The following BTBD2 variants were observed in gnomAD, a reference collection of about 807,000 sequenced individuals.
BTBD2 encodes BTB/POZ domain-containing protein 2.
A neutral mutation model predicts 44.0 loss-of-function variants in BTBD2; 15 were observed. That is an observed-to-expected ratio of 0.34 (90% CI 0.23 to 0.53). The LOEUF (loss-of-function observed/expected upper bound fraction) is 0.53. Ranked by LOEUF, BTBD2 falls within the 20% of genes least tolerant of loss-of-function variation. The probability of loss-of-function intolerance (pLI) is 0.95; values close to 1 mark genes in which losing one functional copy is unlikely to be tolerated. For missense variants in BTBD2, 657 were observed against 746.4 expected (o/e 0.88, Z 1.39); for synonymous variants, 443 against 335.9 (o/e 1.32, Z -3.49).
At chr19:1,987,277 C>T (rs762385394) in intron 6 of BTBD2, 24 bp from the exon 7 acceptor site, 90 of 1,612,042 alleles carry the variant, frequency 5.6e-5, no homozygotes, top group Admixed American at 1.7e-4. Context: ...TGACAGGCAG[C>T]AGCGTGGATA....
rs1036879109 is a variant in BTBD2 at position 1,990,641 on chromosome 19, G to A, written c.790+76C>T. On this transcript the variant is annotated intron_variant, in intron 4 of 8. Coordinates refer to ENST00000255608, the MANE Select transcript of BTBD2 (RefSeq NM_017797.4). ...CCTGTGCAACTCCCCCAGGCCCAAA[G>A]CTCCCACTGTCAATCCCCGGACCCT... 9 of 1,361,406 alleles carry A rather than the reference G, an allele frequency of 6.6e-6. No individual in the cohort carries two copies. The African/African-American group carries it at 8.7e-5, about 13-fold the overall frequency. The allele number at this position is 1,361,406 out of a possible 1,614,324, so 84.3% of individuals were successfully genotyped here. A position where few individuals can be genotyped will look rare whatever the true frequency, so the allele number is the denominator to read the frequency against.
rs1472004709 is a variant in BTBD2, at chr19:1,990,746, G to A, written c.761C>T (p.Thr254Ile). 3 of 1,603,768 alleles carry A rather than the reference G, an allele frequency of 1.9e-6. No individual in the cohort carries two copies. Among genetic ancestry groups the A allele is most frequent in the Non-Finnish European group, 1.7e-6 (2 of 1,175,526 alleles). The change falls in exon 4 of 9, where the codon ACC becomes ATC. Residue 254 changes from threonine to isoleucine, a missense_variant. Transcript: ENST00000255608. ...NIDKNTADAI[T>I]AEGFTDIDLD... Reference sequence around the variant, plus strand: ...GTCAATGTCGGTGAAGCCCTCCGCGGTGATGGCGTCTGCAGTGTTTTTGTC... The same window carrying A: ...GTCAATGTCGGTGAAGCCCTCCGCGATGATGGCGTCTGCAGTGTTTTTGTC...
intron 2 of BTBD2, among the ~76,000 whole-genome samples, chr19:1,995,640 AT>A (rs201871379): frequency 0.21 from 26,159 of 126,066 alleles, 2,512 homozygotes; most frequent in East Asian, 0.31. Flanking sequence ...ACTTTGATCT[AT>A]TTTTTTTTTT....
chr19:1,993,272 C>A (rs950652209), intron 2 of BTBD2, 96 bp from the exon 3 acceptor site: 1 of 1,444,136 alleles, frequency 6.9e-7, no homozygotes, highest in Non-Finnish European at 9.1e-7. Context: ...GACTCGGCCA[C>A]CGGCCCTTGA....
At chr19:2,006,506 CAAAAAAA>C (rs549277311) in intron 1 of BTBD2, among the ~76,000 whole-genome samples, 1 of 111,384 alleles carries the variant, frequency 9.0e-6, no homozygotes. Flanking sequence ...GACTCCGTCT[CAAAAAAA>C]AAAAAAAAGA....
chr19:2,014,339 G>C (rs1031544864), intron 1 of BTBD2: 1 of 152,288 alleles, frequency 6.6e-6, no homozygotes, highest in Non-Finnish European at 1.5e-5. Context: ...AGTGGGTTGG[G>C]GTCCTGGGAA....
At chr19:1,990,993 G>C in intron 3 of BTBD2, 171 bp from the exon 4 acceptor site, 1 of 604,656 alleles carries the variant, frequency 1.7e-6, no homozygotes. Context: ...TGGGCCCAGA[G>C]ACTCCCCTGT....
chr19:2,002,845 C>G (rs1178169208), intron 1 of BTBD2: 1 of 147,440 alleles, frequency 6.8e-6, no homozygotes, highest in Non-Finnish European at 1.5e-5. Flanking sequence ...CCACGGCACT[C>G]CAGCCTGGGC....
chr19:1,989,654 G>A (rs1340232935), intron 5 of BTBD2: 2 of 331,308 alleles, frequency 6.0e-6, no homozygotes. Context: ...AGCCACCCCG[G>A]CCATGTCAGA....
chr19:1,991,571 G>C (rs2016179305), intron 3 of BTBD2, among the ~76,000 whole-genome samples: 1 of 152,224 alleles, frequency 6.6e-6, no homozygotes, highest in African/African-American at 2.4e-5. Context: ...ACCCGGACAA[G>C]AAACCCCTCC....
rs751694633 is a variant in BTBD2 at position 1,990,185 on chromosome 19, G to T, written c.807C>A (p.Val269=). Reference sequence around the variant, plus strand: ...GGATGCCCAGTGTGTCGCGCTCCAGGACAGCCACCAGCGTGTCTGTGGGGT... The same window carrying T: ...GGATGCCCAGTGTGTCGCGCTCCAGTACAGCCACCAGCGTGTCTGTGGGGT... The part of the protein sequence containing the change: ...TDIDLDTLVA[V]LERDTLGIRE... Residue 269 remains valine (V), a synonymous_variant, in exon 5 of 9, where the codon GTC becomes GTA. Transcript: ENST00000255608. 1.2e-6 allele frequency: 2 copies of T among 1,602,888 alleles called. No homozygotes were observed. The highest frequency in any genetic ancestry group is 1.1e-5 in the South Asian group (1 of 89,654).
intron 1 of BTBD2, among the ~76,000 whole-genome samples, chr19:1,999,637 G>A (rs1016695928): frequency 1.3e-5 from 2 of 151,732 alleles, no homozygotes; most frequent in African/African-American, 2.4e-5. Flanking sequence ...CTGCACTCCA[G>A]CCTGGGCAAC....
At position 1,986,168 on chromosome 19, in the gene BTBD2, G is replaced by C. The variant is rs115400228; in HGVS notation, c.*320C>G. 10 of 359,160 alleles carry C rather than the reference G, an allele frequency of 2.8e-5. No homozygotes were observed. Among genetic ancestry groups the C allele is most frequent in the South Asian group, 4.6e-5 (1 of 21,580 alleles). The allele number at this position is 359,160 out of a possible 1,614,324, so 22.2% of individuals were successfully genotyped here. A position where few individuals can be genotyped will look rare whatever the true frequency, so the allele number is the denominator to read the frequency against. On this transcript the variant is annotated 3_prime_UTR_variant, in exon 9 of 9. Coordinates refer to ENST00000255608, the MANE Select transcript of BTBD2 (RefSeq NM_017797.4). ...CGCCCGCGGCGCACCGCCGGCAGAC[G>C]ACGTGGGCAGGCGCCCTGAGCTGCG...
rs2016204067 is a variant in BTBD2 at position 1,993,116 on chromosome 19, G to A, written c.588C>T (p.Thr196=). 3 of 1,608,538 alleles carry A rather than the reference G, an allele frequency of 1.9e-6. No individual in the cohort carries two copies. Among genetic ancestry groups the A allele is most frequent in the South Asian group, 1.1e-5 (1 of 90,964 alleles). The stretch of plus-strand genomic sequence containing the variant: ...GCGCTGGCACCGCGTACTTCTTGGC[G>A]GTGTATAGCGTGGTCATCACCGTCT... The part of the protein sequence containing the change: ...GPETVMTTLY[T]AKKYAVPALE... The change falls in exon 3 of 9, where the codon ACC becomes ACT. Residue 196 remains threonine, a synonymous_variant. Coordinates refer to ENST00000255608, the MANE Select transcript of BTBD2 (RefSeq NM_017797.4).
At chr19:1,992,179 A>G (rs1291441551) in intron 3 of BTBD2, 1 of 151,954 alleles carries the variant, frequency 6.6e-6, no homozygotes, top group East Asian at 1.9e-4. Flanking sequence ...TGCAGCCTCA[A>G]CCTCCCGGGC....
chr19:2,013,414 G>T, intron 1 of BTBD2: 1 of 722,202 alleles, frequency 1.4e-6, no homozygotes, highest in Non-Finnish European at 1.7e-6. Flanking sequence ...GGGAGGGAGG[G>T]ACCCCGGAGC....
chr19:2,014,033 G>C (rs2016500945), intron 1 of BTBD2: 1 of 151,910 alleles, frequency 6.6e-6, no homozygotes, highest in African/African-American at 2.4e-5. Context: ...GGGGTCTCAG[G>C]TGAGAGCGGA....
chr19:1,993,016 C>T lies in BTBD2; in HGVS notation c.684+4G>A, dbSNP rs372178029. On this transcript the variant is annotated splice_donor_region_variant and intron_variant, in intron 3 of 8. Transcript: ENST00000255608. ...CGCCCCCGCCTCGTACCGGCCCCGC[C>T]CACCTGCGTGAGCAGCATGAAGGCG... The T allele has an allele frequency of 6.4e-5, 101 of 1,581,322 alleles. 2 individuals are homozygous for T. The highest frequency in any genetic ancestry group is 5.0e-4 in the South Asian group (44 of 87,898).
chr19:2,004,577 G>A (rs183231676), intron 1 of BTBD2, among the ~76,000 whole-genome samples: 12 of 151,656 alleles, frequency 7.9e-5, no homozygotes, highest in Admixed American at 2.6e-4. Context: ...GATTACAGGC[G>A]TGAGCCACCG....
Sources: gnomAD v4.1 joint callset for allele counts (sites outside exome capture counted in the v4.1 genomes callset) on GRCh38, gnomAD v4.1.1 for gene constraint, MANE v1.5 for transcripts, NCBI Gene and HGNC (gene_info 2026-07-23, HGNC 2026-07-21) for gene names.